SCD5: variants seen among roughly 807,000 people sequenced by gnomAD.
The protein encoded by SCD5 is acyl-CoA-desaturase 4.
A neutral mutation model predicts 30.4 loss-of-function variants in SCD5; 20 were observed. The observed-to-expected ratio is 0.66, with a 90% CI of 0.46 to 0.96. SCD5 has a LOEUF of 0.96. Ranked by LOEUF, SCD5 falls within the 40% of genes least tolerant of loss-of-function variation. SCD5 has a pLI of 0.00. For synonymous variants in SCD5, 173 were observed against 176.4 expected, an observed-to-expected ratio of 0.98 and a Z score of 0.16; for missense variants, 381 against 443.3, an observed-to-expected ratio of 0.86 and a Z score of 1.26.
intron 3 of SCD5, among the ~76,000 whole-genome samples, chr4:82,666,802 C>A (rs1242213782): frequency 6.6e-6 from 1 of 152,108 alleles, no homozygotes; most frequent in East Asian, 1.9e-4. Context: ...CTTCTTTTGA[C>A]TTGGTTAATC....
At chr4:82,796,143 A>G (rs368890136) in intron 1 of SCD5, among the ~76,000 whole-genome samples, 27 of 151,960 alleles carry the variant, frequency 1.8e-4, no homozygotes, top group East Asian at 5.8e-4. Context: ...GGTGGCGGGC[A>G]CCTGTAATCC....
chr4:82,631,135 A>AT lies in SCD5; in HGVS notation c.*191_*192insA. 1 of 519,244 alleles carries AT rather than the reference A, an allele frequency of 1.9e-6. No homozygotes were observed. Among genetic ancestry groups the AT allele is most frequent in the Non-Finnish European group, 3.3e-6 (1 of 306,408 alleles). 32.2% of individuals were successfully genotyped at this position (519,244 alleles called of 1,614,324 possible). A position where few individuals can be genotyped will look rare whatever the true frequency, so the allele number is the denominator to read the frequency against. ...CAAAAACAAAACAAACAAAAAAAAA[A>AT]ACGAAAGTTTTTTCATTGATAATTG... On this transcript the variant is annotated 3_prime_UTR_variant, in exon 5 of 5. Transcript: ENST00000319540.
rs577798433 is a variant in SCD5, at chr4:82,730,252, A to C, written c.233-24839T>G. ...TATATAATATTTAAAAACATATAAT[A>C]TATTATACATTTATATATATAGTTA... On this transcript the variant is annotated intron_variant, in intron 1 of 4. Transcript: ENST00000319540. Among the ~76,000 whole-genome samples the C allele has an allele frequency of 1.2e-4, 15 of 126,532 alleles. No homozygotes were observed. The Middle Eastern group carries it at 0.012, about 97-fold the overall frequency. The allele number at this position is 126,532 out of a possible 152,430, so 83.0% of individuals were successfully genotyped here.
chr4:82,697,717 C>A (rs532721592), intron 2 of SCD5, among the ~76,000 whole-genome samples: 1 of 152,198 alleles, frequency 6.6e-6, no homozygotes, highest in Non-Finnish European at 1.5e-5. Flanking sequence ...CCGTACCCCA[C>A]GCAGCAGCCT....
chr4:82,667,556 C>A (rs1728218459), intron 3 of SCD5, among the ~76,000 whole-genome samples: 1 of 152,166 alleles, frequency 6.6e-6, no homozygotes, highest in Non-Finnish European at 1.5e-5. Flanking sequence ...ACAACCATGT[C>A]TCTTTAGAAA....
At chr4:82,740,985 A>C (rs908083691) in intron 1 of SCD5, among the ~76,000 whole-genome samples, 2 of 150,566 alleles carry the variant, frequency 1.3e-5, no homozygotes, top group East Asian at 3.9e-4. Flanking sequence ...CCCAGGCTGG[A>C]GTGCAGTGGT....
intron 3 of SCD5, among the ~76,000 whole-genome samples, chr4:82,671,270 A>G (rs976501807): frequency 6.6e-6 from 1 of 152,236 alleles, no homozygotes; most frequent in Non-Finnish European, 1.5e-5. Context: ...GCAAGGAGTC[A>G]TAGATGAATC....
intron 1 of SCD5, among the ~76,000 whole-genome samples, chr4:82,755,776 G>A (rs1332692962): frequency 6.6e-6 from 1 of 151,882 alleles, no homozygotes; most frequent in Non-Finnish European, 1.5e-5. Context: ...TATTTGTCTG[G>A]CCAGCCTTAT....
chr4:82,758,930 G>A (rs894873353), intron 1 of SCD5, among the ~76,000 whole-genome samples: 2 of 152,010 alleles, frequency 1.3e-5, no homozygotes, highest in East Asian at 1.9e-4. Flanking sequence ...ACAATCCTGC[G>A]AAACAACAAG....
intron 3 of SCD5, among the ~76,000 whole-genome samples, chr4:82,639,572 G>T (rs1310795678): frequency 6.6e-6 from 1 of 152,242 alleles, no homozygotes; most frequent in Non-Finnish European, 1.5e-5. Flanking sequence ...TTTCCAGAAA[G>T]GACCACAGCC....
chr4:82,791,394 T>A (rs1403249033), intron 1 of SCD5, among the ~76,000 whole-genome samples: 2 of 151,430 alleles, frequency 1.3e-5, no homozygotes, highest in Admixed American at 1.3e-4. Context: ...CACCAATCCA[T>A]TGCCAGGGGA....
intron 1 of SCD5, among the ~76,000 whole-genome samples, chr4:82,706,909 G>A (rs1028744183): frequency 2.0e-5 from 3 of 152,172 alleles, no homozygotes; most frequent in Admixed American, 6.5e-5. Context: ...CTTAAATTCT[G>A]CTGAAGCTCT....
chr4:82,650,251 A>G (rs539693126), intron 3 of SCD5, among the ~76,000 whole-genome samples: 3 of 152,318 alleles, frequency 2.0e-5, no homozygotes, highest in African/African-American at 7.2e-5. Context: ...CTAATGAGAG[A>G]GCTCTATGAG....
At chr4:82,673,676 C>A (rs1286766952) in intron 3 of SCD5, among the ~76,000 whole-genome samples, 2 of 152,204 alleles carry the variant, frequency 1.3e-5, no homozygotes, top group Admixed American at 1.3e-4. Flanking sequence ...TACGTGGAGG[C>A]AAATGACTCA....
chr4:82,643,019 C>T (rs753098338), intron 3 of SCD5, among the ~76,000 whole-genome samples: 5 of 152,148 alleles, frequency 3.3e-5, no homozygotes, highest in Admixed American at 2.0e-4. Context: ...ATATCCTTCA[C>T]TTTGCAAATA....
intron 3 of SCD5, among the ~76,000 whole-genome samples, chr4:82,663,873 G>A (rs138747731): frequency 1.2e-3 from 182 of 152,290 alleles, no homozygotes; most frequent in Middle Eastern, 0.01. Flanking sequence ...GGAAGAGCAG[G>A]AAACCTGCTT....
chr4:82,636,484 C>A, intron 4 of SCD5, 107 bp downstream of exon 4: 14 of 747,432 alleles, frequency 1.9e-5, no homozygotes, highest in Non-Finnish European at 3.1e-5. Flanking sequence ...GTTCACTGAA[C>A]TCCATTCCAC....
At chr4:82,751,158 C>T (rs2148842301) in intron 1 of SCD5, among the ~76,000 whole-genome samples, 1 of 152,178 alleles carries the variant, frequency 6.6e-6, no homozygotes, top group South Asian at 2.1e-4. Flanking sequence ...AATAAATGAG[C>T]AAAATCAACA....
At position 82,754,150 on chromosome 4, in the gene SCD5, C is replaced by T. The variant is rs141665194; in HGVS notation, c.232+44156G>A. Among the ~76,000 whole-genome samples, 177 of 152,204 alleles carry T rather than the reference C, an allele frequency of 1.2e-3. 3 individuals carry two copies. The East Asian group carries it at 0.025, about 21-fold the overall frequency. ...TTCTTATGTGGAGGAAAACTTATCTCCCCGTTTTGCAGGAGTTAAGAAGGG... is the reference window on the plus strand; with the variant it reads ...TTCTTATGTGGAGGAAAACTTATCTTCCCGTTTTGCAGGAGTTAAGAAGGG... On this transcript the variant is annotated intron_variant, in intron 1 of 4. Coordinates refer to ENST00000319540, the MANE Select transcript of SCD5 (RefSeq NM_001037582.3).
Sources: allele counts gnomAD v4.1 joint callset (sites outside exome capture counted in the v4.1 genomes callset), GRCh38; gene constraint gnomAD v4.1.1; transcripts MANE v1.5; gene names NCBI Gene and HGNC (gene_info 2026-07-23, HGNC 2026-07-21).